PPARGC1A: variants seen among roughly 807,000 people sequenced by gnomAD.
PPARGC1A encodes the protein peroxisome proliferator-activated receptor gamma coactivator 1-alpha.
A neutral mutation model predicts 88.7 loss-of-function variants in PPARGC1A; 25 were observed. The ratio of observed to expected loss-of-function variants is 0.28; its 90% confidence interval spans 0.21 to 0.39. The LOEUF (loss-of-function observed/expected upper bound fraction) is 0.39. PPARGC1A is among the 10% of genes least tolerant of loss of function. The pLI is 1.00. For missense variants in PPARGC1A, 880 were observed against 968.7 expected (o/e 0.91, Z 1.22); for synonymous variants, 363 against 355.6 (o/e 1.02, Z -0.24).
chr4:24,416,073 C>T, the PPARGC1A span, among the ~76,000 whole-genome samples: 3 of 152,214 alleles, frequency 2.0e-5, no homozygotes, highest in African/African-American at 7.2e-5. Flanking sequence ...AGGTGGTAAT[C>T]GTGTTTTAAG....
the PPARGC1A span, among the ~76,000 whole-genome samples, chr4:23,928,831 G>A: frequency 5.3e-5 from 8 of 149,730 alleles, no homozygotes; most frequent in Non-Finnish European, 8.9e-5. Flanking sequence ...CATGGATGGA[G>A]CTGGAAGGAT....
At chr4:24,470,273 CACAG>C in the PPARGC1A span, among the ~76,000 whole-genome samples, 2,932 of 123,314 alleles carry the variant, frequency 0.024, 51 homozygotes, top group Middle Eastern at 0.057. This position sits in a 1 kb window ranked among gnomAD's most constrained non-coding sequence, Gnocchi z 5.8. Flanking sequence ...CATCGACAGA[CACAG>C]ACACACACAC....
At chr4:23,873,805 A>T (rs1184888870) in intron 2 of PPARGC1A, among the ~76,000 whole-genome samples, 6 of 152,178 alleles carry the variant, frequency 3.9e-5, no homozygotes, top group Admixed American at 2.6e-4. Flanking sequence ...AAAGAAAAAA[A>T]AAGAAGTTTT....
chr4:23,900,190 T>C (rs139283874), upstream of PPARGC1A, among the ~76,000 whole-genome samples: 2,084 of 152,324 alleles, frequency 0.014, 42 homozygotes, highest in South Asian at 0.094. Context: ...AAAAATAGAA[T>C]AGGATTACAT....
At chr4:24,215,891 T>C in the PPARGC1A span, among the ~76,000 whole-genome samples, 1 of 152,212 alleles carries the variant, frequency 6.6e-6, no homozygotes, top group African/African-American at 2.4e-5. Context: ...TATTTCTTAT[T>C]AGTTCTTATA....
At chr4:23,931,247 T>C in the PPARGC1A span, among the ~76,000 whole-genome samples, 1 of 151,824 alleles carries the variant, frequency 6.6e-6, no homozygotes, top group Non-Finnish European at 1.5e-5. Context: ...GCAGGGAAAC[T>C]CGGACCCCCA....
At chr4:23,918,185 G>C in the PPARGC1A span, among the ~76,000 whole-genome samples, 1 of 152,148 alleles carries the variant, frequency 6.6e-6, no homozygotes, top group East Asian at 1.9e-4. Flanking sequence ...GCTAGATTTG[G>C]GGAGGTCCGA....
chr4:24,327,689 C>A, the PPARGC1A span, among the ~76,000 whole-genome samples: 2 of 151,880 alleles, frequency 1.3e-5, no homozygotes, highest in Non-Finnish European at 2.9e-5. Context: ...TCCCATACCG[C>A]CCCTAATCCC....
chr4:24,104,267 C>T, the PPARGC1A span, among the ~76,000 whole-genome samples: 1 of 152,176 alleles, frequency 6.6e-6, no homozygotes, highest in African/African-American at 2.4e-5. Context: ...CATACTTTAT[C>T]TCCTACTCAT....
intron 2 of PPARGC1A, among the ~76,000 whole-genome samples, chr4:23,853,657 T>G (rs917736215): frequency 6.6e-6 from 1 of 152,180 alleles, no homozygotes; most frequent in Admixed American, 6.5e-5. Flanking sequence ...CCAAGAATAT[T>G]AAGACAATAA....
the PPARGC1A span, among the ~76,000 whole-genome samples, chr4:24,385,728 T>C: frequency 6.6e-6 from 1 of 152,058 alleles, no homozygotes; most frequent in Admixed American, 6.6e-5. Flanking sequence ...AATAACATGT[T>C]CTGAAATTGA....
chr4:24,050,233 T>A, the PPARGC1A span, among the ~76,000 whole-genome samples: 1 of 148,710 alleles, frequency 6.7e-6, no homozygotes, highest in Non-Finnish European at 1.5e-5. Context: ...TCTTGCTCTG[T>A]CGCCCAGGCT....
At chr4:24,398,699 G>A in the PPARGC1A span, among the ~76,000 whole-genome samples, 1 of 152,216 alleles carries the variant, frequency 6.6e-6, no homozygotes, top group Non-Finnish European at 1.5e-5. Flanking sequence ...ATCCTGGATT[G>A]TAAGATCACA....
chr4:24,367,755 G>T, the PPARGC1A span, among the ~76,000 whole-genome samples: 9 of 152,062 alleles, frequency 5.9e-5, no homozygotes, highest in East Asian at 1.5e-3. Context: ...TTTCTTTGTC[G>T]CTAGAGAAAA....
At chr4:24,288,039 G>C in the PPARGC1A span, among the ~76,000 whole-genome samples, 1 of 152,002 alleles carries the variant, frequency 6.6e-6, no homozygotes, top group East Asian at 1.9e-4. Flanking sequence ...TGCCCTCCAA[G>C]TAAACCCTCT....
At chr4:24,258,430 A>G in the PPARGC1A span, among the ~76,000 whole-genome samples, 6 of 152,182 alleles carry the variant, frequency 3.9e-5, no homozygotes, top group Non-Finnish European at 7.3e-5. Flanking sequence ...TTGACTACCC[A>G]TCTTTCCCAA....
the PPARGC1A span, among the ~76,000 whole-genome samples, chr4:24,051,935 C>CAAA: frequency 8.7e-6 from 1 of 114,734 alleles, no homozygotes; most frequent in East Asian, 2.7e-4. Flanking sequence ...GTGATTTGCA[C>CAAA]AAAAAAAAAA....
At chr4:24,047,381 G>A in the PPARGC1A span, among the ~76,000 whole-genome samples, 1 of 152,158 alleles carries the variant, frequency 6.6e-6, no homozygotes, top group African/African-American at 2.4e-5. Flanking sequence ...AACCTGGTCT[G>A]AAGTAGCCCT....
At chr4:24,155,467 AG>A in the PPARGC1A span, among the ~76,000 whole-genome samples, 2 of 151,740 alleles carry the variant, frequency 1.3e-5, no homozygotes, top group African/African-American at 4.8e-5. Flanking sequence ...TACAAAACGT[AG>A]CGTGCACCTG....
Sources: allele counts gnomAD v4.1 joint callset (sites outside exome capture counted in the v4.1 genomes callset), GRCh38; gene constraint gnomAD v4.1.1; non-coding constraint Gnocchi (gnomAD v3.1); transcripts MANE v1.5; gene names NCBI Gene and HGNC (gene_info 2026-07-23, HGNC 2026-07-21).